Variants in INTS13 observed in about 807,000 individuals in gnomAD.
INTS13 encodes the protein asunder, spermatogenesis regulator homolog (Drosphila).
Under a neutral mutation model 90.2 loss-of-function variants are expected in INTS13, and 35 were observed. The ratio of observed to expected loss-of-function variants is 0.39; its 90% CI spans 0.30 to 0.51. INTS13 has a LOEUF of 0.51. Among genes scored for constraint, INTS13 ranks in the 20% least tolerant of loss-of-function variants. The pLI is 0.80. For synonymous variants in INTS13, 309 were observed against 277.1 expected, an observed-to-expected ratio of 1.11 and a Z score of -1.14; for missense variants, 601 against 851.2, an observed-to-expected ratio of 0.71 and a Z score of 3.66.
intron 10 of INTS13, 32 bp downstream of exon 10, chr12:26,917,320 T>G (rs761186159): frequency 2.5e-6 from 2 of 786,130 alleles, no homozygotes; most frequent in South Asian, 5.5e-5. Context: ...TATAAATAAT[T>G]TCAGTCAAAA....
chr12:26,921,780 C>A (rs1451688007), intron 8 of INTS13, among the ~76,000 whole-genome samples: 2 of 152,114 alleles, frequency 1.3e-5, no homozygotes, highest in Non-Finnish European at 2.9e-5. Flanking sequence ...TTGAGCCTCA[C>A]ACGTAACCAG....
upstream of INTS13, chr12:26,938,258 A>AC (rs1352687473): frequency 6.6e-6 from 1 of 151,952 alleles, no homozygotes; most frequent in African/African-American, 2.4e-5. Context: ...TAAGCGTACG[A>AC]CCCACCCACC....
intron 3 of INTS13, chr12:26,929,160 A>G (rs1389621176): frequency 2.0e-4 from 64 of 323,740 alleles, no homozygotes; most frequent in Non-Finnish European, 1.2e-4. Context: ...CAATAAAATA[A>G]AAATCACATG....
Position 26,917,692 on chromosome 12 carries a change from T to C in INTS13, c.931A>G (p.Lys311Glu). ...LGGGSREGSFKETITLKWCTP... is the reference protein window; with the variant it reads ...LGGGSREGSFEETITLKWCTP... Reference sequence around the variant, plus strand: ...CACCACTTTAATGTTATTGTTTCTTTAAACGAGCCTTCTCGACTGCCGCCA... The same window carrying C: ...CACCACTTTAATGTTATTGTTTCTTCAAACGAGCCTTCTCGACTGCCGCCA... Residue 311 changes from lysine (K) to glutamate (E), a missense_variant, in exon 9 of 17, where the codon AAA (lysine) becomes GAA (glutamate). Around this residue, in one of 3 missense-constraint regions of INTS13, gnomAD observed 284 missense variants for 387.7 expected, o/e 0.73. Coordinates refer to ENST00000261191, the MANE Select transcript of INTS13 (RefSeq NM_018164.3). The C allele has an allele frequency of 6.2e-7, 1 of 1,614,154 alleles. No individual in the cohort carries two copies. Among genetic ancestry groups the C allele is most frequent in the Non-Finnish European group, 8.5e-7 (1 of 1,179,988 alleles).
intron 3 of INTS13, among the ~76,000 whole-genome samples, chr12:26,932,580 G>A (rs911625667): frequency 1.3e-5 from 2 of 152,212 alleles, no homozygotes; most frequent in African/African-American, 4.8e-5. Flanking sequence ...AATCACTACT[G>A]CGCAATAGAA....
At chr12:26,910,918 C>T (rs565051630) in intron 15 of INTS13, among the ~76,000 whole-genome samples, 1 of 152,270 alleles carries the variant, frequency 6.6e-6, no homozygotes, top group East Asian at 1.9e-4. Flanking sequence ...TCACTGCAAC[C>T]TCCGCCTCCC....
intron 4 of INTS13, 147 bp downstream of exon 4, chr12:26,928,556 A>G: frequency 2.6e-6 from 1 of 377,728 alleles, no homozygotes; most frequent in Middle Eastern, 1.0e-3. Context: ...TTAAAAGGCA[A>G]AAAAAAAAAA....
Position 26,924,399 on chromosome 12 carries a change from G to A in INTS13, c.760C>T (p.His254Tyr). 3 of 1,613,252 alleles carry A rather than the reference G, an allele frequency of 1.9e-6. No homozygotes were observed. The highest frequency in any genetic ancestry group is 2.5e-6 in the Non-Finnish European group (3 of 1,179,500). Reference protein sequence around the residue: ...ATKLNILVQQHFDLASTTITN... With the variant: ...ATKLNILVQQYFDLASTTITN... ...ATAGTAGTTGAAGCCAAGTCAAAAT[G>A]TTGCTGTACTAAAATATTCAATTTG... Residue 254 changes from histidine to tyrosine, a missense_variant, in exon 7 of 17, where the codon CAT becomes TAT. Physicochemically the swap from His to Tyr is moderately conservative, Grantham distance 83. Around this residue, in one of 3 missense-constraint regions of INTS13, gnomAD observed 284 missense variants for 387.7 expected, o/e 0.73. Coordinates refer to ENST00000261191, the MANE Select transcript of INTS13 (RefSeq NM_018164.3).
At position 26,924,499 on chromosome 12, in the gene INTS13, C is replaced by A. The variant is rs578261575; in HGVS notation, c.676-16G>T. 6.3e-7 allele frequency: 1 copy of A among 1,586,728 alleles called. No homozygotes were observed. Among genetic ancestry groups the A allele is most frequent in the East Asian group, 2.3e-5 (1 of 43,616 alleles). Reference sequence around the variant, plus strand: ...CCGGGGACAACTACAGAAAAACATACAAGAAAAATAATCCACAAAATATTA... The same window carrying A: ...CCGGGGACAACTACAGAAAAACATAAAAGAAAAATAATCCACAAAATATTA... On this transcript the variant is annotated splice_polypyrimidine_tract_variant and intron_variant, in intron 6 of 16. Transcript: ENST00000261191.
chr12:26,913,949 A>C, intron 13 of INTS13, 25 bp downstream of exon 13: 9 of 1,584,808 alleles, frequency 5.7e-6, no homozygotes, highest in Non-Finnish European at 7.7e-6. Flanking sequence ...GTGATCTATA[A>C]AGTAAGAAAG....
At chr12:26,925,720 T>C (rs1937830676) in intron 6 of INTS13, 41 bp downstream of exon 6, 1 of 1,442,146 alleles carries the variant, frequency 6.9e-7, no homozygotes. Context: ...TTTATTATTA[T>C]TAACCACAAT....
intron 15 of INTS13, among the ~76,000 whole-genome samples, chr12:26,908,872 T>C (rs1046449540): frequency 6.6e-6 from 1 of 152,264 alleles, no homozygotes; most frequent in Non-Finnish European, 1.5e-5. Context: ...AGCTATTTCA[T>C]ATAATATTTC....
intron 15 of INTS13, among the ~76,000 whole-genome samples, chr12:26,907,401 C>T (rs976624699): frequency 1.3e-5 from 2 of 152,212 alleles, no homozygotes; most frequent in Admixed American, 1.3e-4. Context: ...ATTAGGACAT[C>T]GTAGGCAAAA....
chr12:26,909,278 T>C (rs1438027928), intron 15 of INTS13, among the ~76,000 whole-genome samples: 1 of 152,094 alleles, frequency 6.6e-6, no homozygotes, highest in African/African-American at 2.4e-5. Flanking sequence ...GGAGAATCAC[T>C]TGAACCCAAG....
chr12:26,936,475 G>GT (rs1938466250), intron 2 of INTS13, 104 bp downstream of exon 2: 1 of 818,292 alleles, frequency 1.2e-6, no homozygotes, highest in African/African-American at 1.7e-5. Context: ...ACATTTTTAA[G>GT]TAATAAACAC....
At chr12:26,932,059 C>A (rs1319253924) in intron 3 of INTS13, among the ~76,000 whole-genome samples, 1 of 148,378 alleles carries the variant, frequency 6.7e-6, no homozygotes, top group Admixed American at 6.7e-5. Flanking sequence ...TGCACTCCAG[C>A]CTGGGCAACA....
At chr12:26,928,506 G>T (rs1163638577) in intron 4 of INTS13, among the ~76,000 whole-genome samples, 197 bp downstream of exon 4, 1 of 149,430 alleles carries the variant, frequency 6.7e-6, no homozygotes, top group Admixed American at 6.7e-5. Context: ...AGTTTTCAAT[G>T]AGATAAGTCT....
At chr12:26,934,227 C>T (rs1938343451) in intron 3 of INTS13, among the ~76,000 whole-genome samples, 2 of 152,020 alleles carry the variant, frequency 1.3e-5, no homozygotes, top group East Asian at 1.9e-4. Context: ...GCCGAGATGG[C>T]GCAATGCACC....
Position 26,911,223 on chromosome 12 carries a change from G to T in INTS13, c.1900C>A (p.Pro634Thr). The change falls in exon 15 of 17, where the codon CCC becomes ACC. Residue 634 changes from proline (P) to threonine (T), a missense_variant. By Grantham distance (38) the Pro-to-Thr change is conservative (BLOSUM62 -1). Around this residue, in one of 3 missense-constraint regions of INTS13, gnomAD observed 228 missense variants for 272.5 expected, o/e 0.84. Coordinates refer to ENST00000261191, the MANE Select transcript of INTS13 (RefSeq NM_018164.3). ...PDSPEPPNKKPLVEMDETPQV... is the reference protein window; with the variant it reads ...PDSPEPPNKKTLVEMDETPQV... ...GGAGTTTCATCCATTTCAACAAGGGGTTTTTTGTTTGGAGGTTCTGGGGAA... is the reference window on the plus strand; with the variant it reads ...GGAGTTTCATCCATTTCAACAAGGGTTTTTTTGTTTGGAGGTTCTGGGGAA... 1.9e-6 allele frequency: 3 copies of T among 1,613,914 alleles called. No homozygotes were observed. The highest frequency in any genetic ancestry group is 2.5e-6 in the Non-Finnish European group (3 of 1,179,912).
Sources: gnomAD v4.1 joint callset for allele counts (sites outside exome capture counted in the v4.1 genomes callset) on GRCh38, gnomAD v4.1.1 for gene constraint, gnomAD v4.1.1 regional missense constraint, MANE v1.5 for transcripts, NCBI Gene and HGNC (gene_info 2026-07-23, HGNC 2026-07-21) for gene names.